The following RERE variants were observed in gnomAD, a reference collection of about 807,000 sequenced individuals.
The protein encoded by RERE is arginine-glutamic acid dipeptide repeats protein.
In RERE, 40 loss-of-function variants were observed where a neutral mutation model predicts 146.1. That is an observed-to-expected ratio of 0.27 (90% confidence interval 0.21 to 0.36). The LOEUF (loss-of-function observed/expected upper bound fraction) is 0.36, where lower values mean the gene tolerates loss of function less well. Among genes scored for constraint, RERE ranks in the 10% least tolerant of loss-of-function variants. The pLI, the probability that RERE is intolerant of heterozygous loss-of-function variation, is 1.00. For synonymous variants in RERE, 1,003 were observed against 866.0 expected (o/e 1.16, Z -2.78); for missense variants, 1,933 against 2,138.7 (o/e 0.90, Z 1.90).
intron 1 of RERE, among the ~76,000 whole-genome samples, chr1:8,728,925 G>A (rs1474204703): frequency 6.6e-6 from 1 of 152,158 alleles, no homozygotes; most frequent in Non-Finnish European, 1.5e-5. Context: ...CCAGCACTTT[G>A]GGAGGCCGAG....
At chr1:8,427,485 G>A (rs961670071) in intron 11 of RERE, among the ~76,000 whole-genome samples, 4 of 151,872 alleles carry the variant, frequency 2.6e-5, no homozygotes, top group Admixed American at 2.6e-4. Context: ...AAGTCCACTG[G>A]GAACACTCAA....
intron 1 of RERE, among the ~76,000 whole-genome samples, chr1:8,680,458 G>A (rs1233350682): frequency 6.6e-6 from 1 of 152,160 alleles, no homozygotes; most frequent in African/African-American, 2.4e-5. Context: ...CGGAATTCTA[G>A]CTTGAATGGA....
intron 10 of RERE, among the ~76,000 whole-genome samples, chr1:8,494,464 C>T (rs961818639): frequency 1.3e-5 from 2 of 152,104 alleles, no homozygotes; most frequent in African/African-American, 4.8e-5. Flanking sequence ...TGGTGGCTCA[C>T]GCCTGTAATC....
chr1:8,506,705 T>C (rs1259153777), intron 8 of RERE, among the ~76,000 whole-genome samples: 4 of 152,134 alleles, frequency 2.6e-5, no homozygotes, highest in Non-Finnish European at 5.9e-5. Flanking sequence ...ATGGCAACAA[T>C]ATGTGGGTCT....
At chr1:8,521,563 C>A (rs552817650) in intron 7 of RERE, among the ~76,000 whole-genome samples, 1 of 152,034 alleles carries the variant, frequency 6.6e-6, no homozygotes, top group African/African-American at 2.4e-5. Context: ...ATTTGACCTG[C>A]GAATTAATAA....
intron 1 of RERE, among the ~76,000 whole-genome samples, chr1:8,767,153 C>A (rs1308490291): frequency 6.6e-6 from 1 of 152,144 alleles, no homozygotes; most frequent in Non-Finnish European, 1.5e-5. Context: ...TTGGGTATCA[C>A]TGGCATGTAG....
chr1:8,686,084 C>G (rs1639079759), intron 1 of RERE, among the ~76,000 whole-genome samples: 2 of 151,760 alleles, frequency 1.3e-5, no homozygotes, highest in Non-Finnish European at 2.9e-5. Flanking sequence ...CAAGCTCAGG[C>G]AATCCTCCCA....
intron 1 of RERE, among the ~76,000 whole-genome samples, chr1:8,706,535 C>T (rs1262073982): frequency 6.6e-6 from 1 of 152,196 alleles, no homozygotes; most frequent in Non-Finnish European, 1.5e-5. Context: ...GGACAGAGGA[C>T]TAAATCTTGT....
chr1:8,717,146 T>G (rs1311279720), intron 1 of RERE, among the ~76,000 whole-genome samples: 2 of 152,236 alleles, frequency 1.3e-5, no homozygotes, highest in Non-Finnish European at 2.9e-5. Context: ...TTCAAAAAAC[T>G]TAATGAATTT....
At chr1:8,757,770 T>C (rs1037448554) in intron 1 of RERE, among the ~76,000 whole-genome samples, 4 of 152,136 alleles carry the variant, frequency 2.6e-5, no homozygotes, top group Non-Finnish European at 4.4e-5. Flanking sequence ...AAAACACTCA[T>C]CATAAAGATG....
intron 11 of RERE, chr1:8,424,710 AC>A (rs2124475551): frequency 6.6e-6 from 1 of 152,308 alleles, no homozygotes; most frequent in East Asian, 1.9e-4. Flanking sequence ...AGGTAAACAA[AC>A]CAGTCCTAGG....
intron 4 of RERE, among the ~76,000 whole-genome samples, chr1:8,565,542 A>C (rs1396834370): frequency 6.6e-6 from 1 of 152,150 alleles, no homozygotes; most frequent in Admixed American, 6.5e-5. Context: ...CCCTGTCTCT[A>C]CTAAAAATAC....
chr1:8,570,403 A>AC (rs1165746807), intron 4 of RERE, among the ~76,000 whole-genome samples: 18 of 152,146 alleles, frequency 1.2e-4, no homozygotes, highest in Non-Finnish European at 2.2e-4. Context: ...ACAGTAATAA[A>AC]CCCACTACAT....
chr1:8,759,838 T>TACACACACACACACAC (rs369646175), intron 1 of RERE, among the ~76,000 whole-genome samples: 21 of 142,320 alleles, frequency 1.5e-4, no homozygotes, highest in African/African-American at 4.4e-4. Flanking sequence ...ACTCTCTCTA[T>TACACACACACACACAC]ACACACACAC....
intron 1 of RERE, among the ~76,000 whole-genome samples, chr1:8,673,257 G>A (rs556837043): frequency 2.0e-5 from 3 of 152,086 alleles, no homozygotes; most frequent in South Asian, 2.1e-4. Flanking sequence ...CACCACACCC[G>A]GCTAATTTTT....
chr1:8,577,099 G>A (rs1646304484), intron 4 of RERE, among the ~76,000 whole-genome samples: 2 of 151,848 alleles, frequency 1.3e-5, no homozygotes, highest in African/African-American at 4.8e-5. Flanking sequence ...AACCCGGGAG[G>A]CGGAGGTTGC....
rs949652484 is a variant in RERE at position 8,354,178 on chromosome 1, G to C, written c.*909C>G. On this transcript the variant is annotated 3_prime_UTR_variant, in exon 23 of 23. Transcript: ENST00000400908. ...ACAGTGACACTGGAGAACAGAAAGT[G>C]AACATTCACCTCCTGCACTCCCTGT... The C allele has an allele frequency of 2.1e-4, 32 of 152,646 alleles. No individual in the cohort carries two copies. Among genetic ancestry groups the C allele is most frequent in the African/African-American group, 7.2e-4 (30 of 41,594 alleles). 9.5% of individuals were successfully genotyped at this position (152,646 alleles called of 1,614,324 possible). A position where few individuals can be genotyped will look rare whatever the true frequency, so the allele number is the denominator to read the frequency against.
chr1:8,518,881 T>C (rs1326236592), intron 7 of RERE, among the ~76,000 whole-genome samples: 3 of 152,178 alleles, frequency 2.0e-5, no homozygotes, highest in African/African-American at 4.8e-5. Flanking sequence ...TGGCCGACTC[T>C]GGGCACACTT....
intron 7 of RERE, among the ~76,000 whole-genome samples, chr1:8,517,583 T>C (rs1172907207): frequency 6.6e-6 from 1 of 152,256 alleles, no homozygotes; most frequent in African/African-American, 2.4e-5. Flanking sequence ...TACATTATTC[T>C]ACAAATCTTT....
Sources: gnomAD v4.1 joint callset for allele counts (sites outside exome capture counted in the v4.1 genomes callset) on GRCh38, gnomAD v4.1.1 for gene constraint, MANE v1.5 for transcripts, NCBI Gene and HGNC (gene_info 2026-07-23, HGNC 2026-07-21) for gene names.